GDPD4: variants seen among roughly 807,000 people sequenced by gnomAD.
The protein encoded by GDPD4 is glycerophosphodiester phosphodiesterase 6.
A neutral mutation model predicts 67.8 loss-of-function variants in GDPD4; 60 were observed. That is an observed-to-expected ratio of 0.88 (90% CI 0.72 to 1.10). GDPD4 has a LOEUF of 1.10. Ranked by LOEUF, GDPD4 falls within the 50% of genes least tolerant of loss-of-function variation. The pLI is 0.00. For synonymous variants in GDPD4, 212 were observed against 210.9 expected, an observed-to-expected ratio of 1.00 and a Z score of -0.04; for missense variants, 623 against 613.9, an observed-to-expected ratio of 1.01 and a Z score of -0.16.
intron 11 of GDPD4, among the ~76,000 whole-genome samples, chr11:77,255,391 A>G (rs1316673042): frequency 1.3e-5 from 2 of 151,994 alleles, no homozygotes; most frequent in Non-Finnish European, 2.9e-5. Flanking sequence ...ACATGGTGAA[A>G]CCCTCTATTA....
intron 10 of GDPD4, among the ~76,000 whole-genome samples, chr11:77,260,820 C>G (rs1325473253): frequency 6.6e-6 from 1 of 151,752 alleles, no homozygotes; most frequent in African/African-American, 2.4e-5. Context: ...ATGCAAAGAA[C>G]AATGAATTTA....
At chr11:77,276,262 C>T (rs1386373258) in intron 4 of GDPD4, 42 bp from the exon 5 acceptor site, 1 of 1,513,898 alleles carries the variant, frequency 6.6e-7, no homozygotes, top group South Asian at 1.1e-5. Context: ...TTTGAAATCA[C>T]CAAGTTGCCA....
intron 11 of GDPD4, among the ~76,000 whole-genome samples, chr11:77,251,038 T>C (rs922794457): frequency 6.6e-6 from 1 of 152,176 alleles, no homozygotes; most frequent in African/African-American, 2.4e-5. Context: ...GTATGTGTCT[T>C]TACAGGCAAA....
chr11:77,228,003 C>T (rs1958376508), intron 15 of GDPD4, 87 bp from the exon 16 acceptor site: 2 of 896,494 alleles, frequency 2.2e-6, no homozygotes, highest in South Asian at 2.6e-5. Flanking sequence ...TCTTCTTCCC[C>T]CTTCCATCTT....
chr11:77,283,431 A>G (rs915786289), intron 3 of GDPD4, among the ~76,000 whole-genome samples: 1 of 152,168 alleles, frequency 6.6e-6, no homozygotes, highest in African/African-American at 2.4e-5. Flanking sequence ...AGGGATGGGG[A>G]GAGAGGCAGA....
chr11:77,270,096 C>G, intron 7 of GDPD4, 136 bp from the exon 8 acceptor site: 3 of 534,718 alleles, frequency 5.6e-6, no homozygotes, highest in Non-Finnish European at 9.9e-6. Flanking sequence ...ACTATCTATG[C>G]AGTCTTTCTC....
At chr11:77,245,583 A>G in intron 11 of GDPD4, 81 bp from the exon 12 acceptor site, 1 of 885,650 alleles carries the variant, frequency 1.1e-6, no homozygotes, top group Non-Finnish European at 1.8e-6. Flanking sequence ...GCTCTACCTC[A>G]GTTGCTCCAT....
At chr11:77,222,995 C>A (rs908190216) in intron 16 of GDPD4, among the ~76,000 whole-genome samples, 15 of 152,206 alleles carry the variant, frequency 9.9e-5, no homozygotes, top group African/African-American at 3.6e-4. Context: ...GATACCCTTT[C>A]TTCCACTTGA....
intron 8 of GDPD4, 67 bp downstream of exon 8, chr11:77,269,816 C>A: frequency 1.2e-6 from 1 of 821,704 alleles, no homozygotes; most frequent in South Asian, 1.6e-5. Context: ...GAATTTTACC[C>A]ATTTGTACAT....
intron 1 of GDPD4, among the ~76,000 whole-genome samples, chr11:77,300,040 A>G (rs1002187351): frequency 2.0e-5 from 3 of 152,062 alleles, no homozygotes; most frequent in Admixed American, 6.5e-5. Flanking sequence ...CAAAGAATCA[A>G]TATGTCAGTA....
At chr11:77,238,514 G>T (rs1278391345) in intron 13 of GDPD4, among the ~76,000 whole-genome samples, 3 of 149,682 alleles carry the variant, frequency 2.0e-5, no homozygotes, top group Non-Finnish European at 4.4e-5. Flanking sequence ...AACCTGGGAG[G>T]CAGAGGTTGC....
chr11:77,276,246 A>G, intron 4 of GDPD4, 26 bp from the exon 5 acceptor site: 2 of 1,603,118 alleles, frequency 1.2e-6, no homozygotes, highest in Non-Finnish European at 1.7e-6. Flanking sequence ...AGAAAAAGAG[A>G]GTTATTTTGA....
At chr11:77,255,718 G>A (rs968581467) in intron 11 of GDPD4, among the ~76,000 whole-genome samples, 11 of 151,970 alleles carry the variant, frequency 7.2e-5, no homozygotes, top group African/African-American at 2.7e-4. Context: ...AAAATTAGCT[G>A]GGCATGGTGG....
Position 77,227,861 on chromosome 11 carries a change from T to C in GDPD4, c.1525+3A>G. On this transcript the variant is annotated splice_donor_region_variant and intron_variant, in intron 16 of 16. Transcript: ENST00000315938. Reference sequence around the variant, plus strand: ...CAGGAGTGGGCTAGGCCTCTGACTTTACCTGTGCGAGTGCTGGAGGTTTCA... The same window carrying C: ...CAGGAGTGGGCTAGGCCTCTGACTTCACCTGTGCGAGTGCTGGAGGTTTCA... 2 of 1,611,372 alleles carry C rather than the reference T, an allele frequency of 1.2e-6. No individual in the cohort carries two copies. The highest frequency in any genetic ancestry group is 8.5e-7 in the Non-Finnish European group (1 of 1,177,530).
intron 11 of GDPD4, 55 bp from the exon 12 acceptor site, chr11:77,245,557 T>C (rs1429105525): frequency 3.3e-6 from 4 of 1,214,394 alleles, no homozygotes; most frequent in African/African-American, 1.5e-5. Flanking sequence ...TCTCCTACTA[T>C]GTAGCCACAC....
chr11:77,234,918 T>G (rs1245968568), intron 13 of GDPD4, among the ~76,000 whole-genome samples: 5 of 151,668 alleles, frequency 3.3e-5, no homozygotes, highest in Admixed American at 6.6e-5. Flanking sequence ...TTGAGAAATC[T>G]CTAAACTGCT....
intron 16 of GDPD4, among the ~76,000 whole-genome samples, chr11:77,222,856 T>TTTCAGGTACACCAA (rs1166171170): frequency 2.6e-5 from 4 of 152,234 alleles, no homozygotes; most frequent in African/African-American, 7.2e-5. Context: ...TCCCCGTCAC[T>TTTCAGGTACACCAA]TTCAGGTACA....
chr11:77,265,418 A>C (rs943091057), intron 10 of GDPD4, among the ~76,000 whole-genome samples: 2 of 152,190 alleles, frequency 1.3e-5, no homozygotes, highest in Non-Finnish European at 2.9e-5. Flanking sequence ...TTCTGATTTT[A>C]GAATCACTTT....
At chr11:77,269,328 C>A (rs1010227551) in intron 8 of GDPD4, among the ~76,000 whole-genome samples, 1 of 152,170 alleles carries the variant, frequency 6.6e-6, no homozygotes, top group East Asian at 1.9e-4. Flanking sequence ...GAGGGCTCAA[C>A]TGTACAGGGG....
Sources: gnomAD v4.1 joint callset for allele counts (sites outside exome capture counted in the v4.1 genomes callset) on GRCh38, gnomAD v4.1.1 for gene constraint, MANE v1.5 for transcripts, NCBI Gene and HGNC (gene_info 2026-07-23, HGNC 2026-07-21) for gene names.